Variants in RAPGEF2 observed in about 807,000 individuals in gnomAD.
RAPGEF2 encodes Rap guanine nucleotide exchange factor 2, also known as PDZ domain containing guanine nucleotide exchange factor (GEF) 1.
Under a neutral mutation model 186.7 loss-of-function variants are expected in RAPGEF2, and 54 were observed. The observed-to-expected ratio is 0.29, with a 90% confidence interval of 0.23 to 0.36. RAPGEF2 has a LOEUF of 0.36. Ranked by LOEUF, RAPGEF2 falls within the 10% of genes least tolerant of loss-of-function variation. RAPGEF2 has a pLI of 1.00. For synonymous variants in RAPGEF2, 712 were observed against 705.9 expected, an observed-to-expected ratio of 1.01 and a Z score of -0.14; for missense variants, 1,532 against 2,045.0, an observed-to-expected ratio of 0.75 and a Z score of 4.84.
At chr4:159,328,323 T>A (rs1215587538) in intron 11 of RAPGEF2, 1 of 152,120 alleles carries the variant, frequency 6.6e-6, no homozygotes, top group African/African-American at 2.4e-5. Context: ...TTTATAAAAT[T>A]AATGTGATAC....
chr4:159,294,820 C>A (rs571642685), intron 7 of RAPGEF2, among the ~76,000 whole-genome samples: 66 of 152,248 alleles, frequency 4.3e-4, no homozygotes, highest in Admixed American at 9.2e-4. Flanking sequence ...GCCTCAGCCT[C>A]CCAAGTAGCT....
At chr4:159,348,253 TGGA>T (rs1730676600) in intron 25 of RAPGEF2, among the ~76,000 whole-genome samples, 2 of 65,056 alleles carry the variant, frequency 3.1e-5, no homozygotes, top group African/African-American at 8.3e-5. Flanking sequence ...GATGGATGGA[TGGA>T]TGGATGGATG....
intron 7 of RAPGEF2, among the ~76,000 whole-genome samples, chr4:159,299,044 T>C (rs1762351516): frequency 2.0e-5 from 3 of 152,154 alleles, no homozygotes; most frequent in Non-Finnish European, 4.4e-5. Flanking sequence ...TACTCCACCT[T>C]GTAGAGATTA....
intron 1 of RAPGEF2, among the ~76,000 whole-genome samples, chr4:159,134,618 T>A (rs771356270): frequency 6.6e-6 from 1 of 152,262 alleles, no homozygotes; most frequent in Non-Finnish European, 1.5e-5. Context: ...GTTTCAGTTC[T>A]GCATCCTCGT....
rs565992244 is a variant in RAPGEF2 at position 159,170,163 on chromosome 4, T to A, written c.70-16479T>A. Among the ~76,000 whole-genome samples, 5 of 152,220 alleles carry A rather than the reference T, an allele frequency of 3.3e-5. No individual in the cohort carries two copies. In the East Asian group the frequency reaches 7.7e-4, roughly 23 times the overall value. On this transcript the variant is annotated intron_variant, in intron 1 of 29. Transcript: ENST00000691494. The stretch of plus-strand genomic sequence containing the variant: ...TTTGCATTTCTTGGATGATTAGTGA[T>A]CTTGAACATTTTTTCATATACCTGT...
intron 1 of RAPGEF2, among the ~76,000 whole-genome samples, chr4:159,158,574 T>G (rs1314214416): frequency 6.6e-6 from 1 of 152,208 alleles, no homozygotes; most frequent in African/African-American, 2.4e-5. Context: ...ACATTTTGTG[T>G]AAATATTCTC....
intron 1 of RAPGEF2, among the ~76,000 whole-genome samples, chr4:159,144,465 C>T (rs1742686322): frequency 6.6e-6 from 1 of 152,168 alleles, no homozygotes; most frequent in Non-Finnish European, 1.5e-5. Context: ...TACAAACTTA[C>T]TTGACTTTAT....
intron 3 of RAPGEF2, among the ~76,000 whole-genome samples, chr4:159,195,875 GTTTTT>G (rs34827512): frequency 0.071 from 6,652 of 94,146 alleles, 536 homozygotes; most frequent in African/African-American, 0.21. Context: ...AAACATACCT[GTTTTT>G]TTTTTTTTTT....
At chr4:159,191,615 G>A (rs1048924655) in intron 2 of RAPGEF2, among the ~76,000 whole-genome samples, 75 of 152,098 alleles carry the variant, frequency 4.9e-4, no homozygotes, top group African/African-American at 1.6e-3. Context: ...GGCGCGCAAC[G>A]ATAGTCCCAG....
chr4:159,172,374 C>T (rs1425927768), intron 1 of RAPGEF2, among the ~76,000 whole-genome samples: 1 of 152,180 alleles, frequency 6.6e-6, no homozygotes, highest in Non-Finnish European at 1.5e-5. Context: ...GGGAACCGTT[C>T]TCCTACCTTC....
Position 159,356,025 on chromosome 4 carries a change from T to G in RAPGEF2, c.4824T>G (p.Pro1608=), listed in dbSNP as rs1731949666. Residue 1608 remains proline (P), a synonymous_variant, in exon 29 of 30, where the codon CCT becomes CCG. Coordinates refer to ENST00000691494, the MANE Select transcript of RAPGEF2 (RefSeq NM_001394067.2). Reference sequence around the variant, plus strand: ...CACGATCCTCCGACACAGCTGGGCCTTCATCCGTACAGCAGCCACATGGGC... The same window carrying G: ...CACGATCCTCCGACACAGCTGGGCCGTCATCCGTACAGCAGCCACATGGGC... ...MVARSSDTAG[P]SSVQQPHGHP... is the part of the protein sequence containing the mutation. The G allele has an allele frequency of 1.2e-6, 2 of 1,613,848 alleles. No individual in the cohort carries two copies. The highest frequency in any genetic ancestry group is 1.7e-6 in the Non-Finnish European group (2 of 1,179,994).
chr4:159,335,480 G>A (rs1293969714), intron 17 of RAPGEF2, among the ~76,000 whole-genome samples: 1 of 152,192 alleles, frequency 6.6e-6, no homozygotes, highest in Non-Finnish European at 1.5e-5. Context: ...TGACAGAGAT[G>A]TAGGTGAGTA....
intron 3 of RAPGEF2, among the ~76,000 whole-genome samples, chr4:159,198,314 CT>C (rs749791748): frequency 1.5e-5 from 1 of 68,928 alleles, no homozygotes; most frequent in Non-Finnish European, 3.2e-5. Flanking sequence ...TTCTTTCTTT[CT>C]TTCTTTCTTT....
intron 4 of RAPGEF2, among the ~76,000 whole-genome samples, chr4:159,230,227 T>C (rs183103662): frequency 1.8e-4 from 28 of 152,330 alleles, no homozygotes; most frequent in Admixed American, 5.9e-4. Context: ...ACACCTCTTA[T>C]CAAACGCTGG....
chr4:159,221,526 T>C (rs547653388), intron 4 of RAPGEF2, among the ~76,000 whole-genome samples: 1 of 152,302 alleles, frequency 6.6e-6, no homozygotes, highest in East Asian at 1.9e-4. Flanking sequence ...TGTAGTCTTT[T>C]ACTCTGCAAC....
At chr4:159,173,513 C>A (rs1477167617) in intron 1 of RAPGEF2, among the ~76,000 whole-genome samples, 1 of 152,054 alleles carries the variant, frequency 6.6e-6, no homozygotes, top group East Asian at 1.9e-4. Flanking sequence ...GTATAGCAGC[C>A]CCTGTCTGTC....
chr4:159,309,106 A>G (rs1220986071), intron 8 of RAPGEF2, among the ~76,000 whole-genome samples: 1 of 152,196 alleles, frequency 6.6e-6, no homozygotes, highest in Admixed American at 6.5e-5. Flanking sequence ...TAATACAAAG[A>G]CAGGTCGAGC....
chr4:159,112,968 T>C (rs553051543), intron 1 of RAPGEF2, among the ~76,000 whole-genome samples: 35 of 152,342 alleles, frequency 2.3e-4, no homozygotes, highest in South Asian at 8.3e-4. Context: ...TCTGCTGATA[T>C]AATGTATTGA....
intron 18 of RAPGEF2, 31 bp downstream of exon 18, chr4:159,338,499 T>TTA: frequency 6.4e-7 from 1 of 1,567,354 alleles, no homozygotes; most frequent in Non-Finnish European, 8.7e-7. Context: ...TTTTGTTTTC[T>TTA]TATAGTTATC....
Sources: gnomAD v4.1 joint callset for allele counts (sites outside exome capture counted in the v4.1 genomes callset) on GRCh38, gnomAD v4.1.1 for gene constraint, MANE v1.5 for transcripts, NCBI Gene and HGNC (gene_info 2026-07-23, HGNC 2026-07-21) for gene names.